The following EXOSC10 variants were observed in gnomAD, a reference collection of about 807,000 sequenced individuals.
The protein encoded by EXOSC10 is exosome component 10, also known as exosome complex component 10.
Under a neutral mutation model 126.6 loss-of-function variants are expected in EXOSC10, and 94 were observed. The observed-to-expected ratio is 0.74, with a 90% CI of 0.63 to 0.88. EXOSC10 has a LOEUF of 0.88. Among genes scored for constraint, EXOSC10 ranks in the 40% least tolerant of loss-of-function variants. The pLI, the probability that EXOSC10 is intolerant of heterozygous loss-of-function variation, is 0.00. For synonymous variants in EXOSC10, 395 were observed against 400.8 expected (o/e 0.99, Z 0.17); for missense variants, 1,041 against 1,100.5 (o/e 0.95, Z 0.77).
intron 3 of EXOSC10, among the ~76,000 whole-genome samples, chr1:11,094,224 T>C (rs1640945031): frequency 6.6e-6 from 1 of 151,914 alleles, no homozygotes; most frequent in African/African-American, 2.4e-5. Flanking sequence ...GCAATCCTCT[T>C]ACCTCGGCCT....
At chr1:11,094,548 A>C (rs967019058) in intron 3 of EXOSC10, among the ~76,000 whole-genome samples, 1 of 148,918 alleles carries the variant, frequency 6.7e-6, no homozygotes, top group African/African-American at 2.5e-5. Flanking sequence ...GGATCCACCC[A>C]CCTCGGCCTC....
chr1:11,082,174 G>A (rs1640206214), intron 10 of EXOSC10, among the ~76,000 whole-genome samples: 2 of 152,058 alleles, frequency 1.3e-5, no homozygotes, highest in Non-Finnish European at 2.9e-5. Context: ...GTGCAACCTC[G>A]GAGAGGTAGC....
chr1:11,097,266 T>C (rs956277098), intron 2 of EXOSC10, among the ~76,000 whole-genome samples: 1 of 150,188 alleles, frequency 6.7e-6, no homozygotes, highest in East Asian at 1.9e-4. Context: ...TAATCCCAGC[T>C]ACTCGGGAGG....
chr1:11,073,071 T>C (rs1639599757), intron 19 of EXOSC10: 1 of 152,254 alleles, frequency 6.6e-6, no homozygotes, highest in African/African-American at 2.4e-5. Context: ...CTTTACTACA[T>C]ATAGATTAAA....
At chr1:11,079,270 A>T (rs1425570280) in intron 14 of EXOSC10, among the ~76,000 whole-genome samples, 1 of 150,018 alleles carries the variant, frequency 6.7e-6, no homozygotes, top group Non-Finnish European at 1.5e-5. Flanking sequence ...CGGAGGTTGC[A>T]GTGAGCCGAG....
At chr1:11,090,069 C>T (rs975416225) in intron 6 of EXOSC10, among the ~76,000 whole-genome samples, 1 of 146,646 alleles carries the variant, frequency 6.8e-6, no homozygotes, top group Non-Finnish European at 1.5e-5. Context: ...GCCATCTTGG[C>T]TCACTGCAAC....
At chr1:11,095,663 G>A (rs61457745) in intron 3 of EXOSC10, 95 bp downstream of exon 3, 32 of 1,148,858 alleles carry the variant, frequency 2.8e-5, no homozygotes, top group East Asian at 5.1e-5. Context: ...GCAGTGAGTC[G>A]AGATCGCATC....
intron 10 of EXOSC10, among the ~76,000 whole-genome samples, chr1:11,082,306 C>T (rs1640213512): frequency 6.6e-6 from 1 of 151,852 alleles, no homozygotes. Context: ...GAATTCTTTC[C>T]CACCTATGGA....
At chr1:11,084,212 C>T (rs1156489077) in intron 9 of EXOSC10, among the ~76,000 whole-genome samples, 1 of 152,202 alleles carries the variant, frequency 6.6e-6, no homozygotes, top group Non-Finnish European at 1.5e-5. Context: ...CACTGACTTC[C>T]ACAATGGTTG....
At chr1:11,068,234 G>C (rs1639228266) in intron 23 of EXOSC10, 150 bp from the exon 24 acceptor site, 1 of 662,512 alleles carries the variant, frequency 1.5e-6, no homozygotes, top group African/African-American at 1.8e-5. Flanking sequence ...GTCTCTGAAG[G>C]CAAGGCCGCC....
chr1:11,097,612 G>C (rs1377688509), intron 2 of EXOSC10, among the ~76,000 whole-genome samples: 1 of 151,600 alleles, frequency 6.6e-6, no homozygotes, highest in Non-Finnish European at 1.5e-5. Flanking sequence ...TGTAGTCCCA[G>C]CTACTCAGGA....
At chr1:11,083,027 T>C in intron 9 of EXOSC10, 149 bp from the exon 10 acceptor site, 1 of 662,694 alleles carries the variant, frequency 1.5e-6, no homozygotes, top group Non-Finnish European at 2.6e-6. Context: ...CTTGGCTCAC[T>C]GCAACTTCCG....
At chr1:11,079,673 C>T (rs796191337) in intron 14 of EXOSC10, 38 bp downstream of exon 14, 8 of 1,546,072 alleles carry the variant, frequency 5.2e-6, no homozygotes, top group Non-Finnish European at 7.1e-6. Flanking sequence ...AGATTATAGG[C>T]GTGAGCCACT....
At chr1:11,073,604 T>C (rs1272793960) in intron 19 of EXOSC10, among the ~76,000 whole-genome samples, 1 of 152,038 alleles carries the variant, frequency 6.6e-6, no homozygotes, top group Non-Finnish European at 1.5e-5. Context: ...AAAGTCTCTT[T>C]TAGGGCCAGG....
At chr1:11,083,712 G>A (rs1048264902) in intron 9 of EXOSC10, among the ~76,000 whole-genome samples, 6 of 151,858 alleles carry the variant, frequency 4.0e-5, no homozygotes, top group Non-Finnish European at 8.8e-5. Context: ...GTGCCATGCT[G>A]GTGCGCTGCA....
chr1:11,069,614 T>C lies in EXOSC10; in HGVS notation c.2433A>G (p.Pro811=). ...ISKKPKDPEP[P]EKEFTPYDYS... is the part of the protein sequence containing the mutation. The stretch of plus-strand genomic sequence containing the variant: ...AGTCGTAAGGCGTAAACTCTTTTTC[T>C]GGTGGCTCTGGGTCCTTTGGCTTCT... The change falls in exon 22 of 25, where the codon CCA becomes CCG. Residue 811 remains proline (P), a synonymous_variant. Coordinates refer to ENST00000376936, the MANE Select transcript of EXOSC10 (RefSeq NM_001001998.3). The C allele has an allele frequency of 6.2e-7, 1 of 1,614,230 alleles. No homozygotes were observed. Among genetic ancestry groups the C allele is most frequent in the Non-Finnish European group, 8.5e-7 (1 of 1,180,042 alleles).
intron 21 of EXOSC10, among the ~76,000 whole-genome samples, chr1:11,070,225 A>G (rs1230310471): frequency 1.3e-5 from 2 of 149,902 alleles, no homozygotes; most frequent in Non-Finnish European, 1.5e-5. Flanking sequence ...CATCAGGGTA[A>G]GAGTAAGACC....
intron 19 of EXOSC10, chr1:11,072,416 C>A: frequency 2.4e-6 from 1 of 417,744 alleles, no homozygotes; most frequent in Non-Finnish European, 4.3e-6. Flanking sequence ...TTCAATCCCT[C>A]TGTAACCCTG....
chr1:11,097,195 G>A lies in EXOSC10; in HGVS notation c.248+825C>T, dbSNP rs181999721. 3.6e-4 allele frequency among the ~76,000 whole-genome samples: 55 copies of A among 151,462 alleles called. 2 individuals carry two copies. In the East Asian group the frequency reaches 0.011, roughly 30 times the overall value. On this transcript the variant is annotated intron_variant, in intron 2 of 24. Transcript: ENST00000376936. Reference sequence around the variant, plus strand: ...ACTGCACTTCAGCCTGGGCGACAGAGCAAGACTCCGTACTCCCCCCCAACA... The same window carrying A: ...ACTGCACTTCAGCCTGGGCGACAGAACAAGACTCCGTACTCCCCCCCAACA...
Sources: allele counts gnomAD v4.1 joint callset (sites outside exome capture counted in the v4.1 genomes callset), GRCh38; gene constraint gnomAD v4.1.1; transcripts MANE v1.5; gene names NCBI Gene and HGNC (gene_info 2026-07-23, HGNC 2026-07-21).